The following WDR70 variants were observed in gnomAD, a reference collection of about 807,000 sequenced individuals.
WDR70 encodes WD repeat domain 70, also known as WD repeat-containing protein 70.
In WDR70, 53 loss-of-function variants were observed where a neutral mutation model predicts 88.6. The ratio of observed to expected loss-of-function variants is 0.60; its 90% CI spans 0.48 to 0.75. WDR70 has a LOEUF of 0.75. Among genes scored for constraint, WDR70 ranks in the 30% least tolerant of loss-of-function variants. The pLI is 0.00. For synonymous variants in WDR70, 280 were observed against 270.0 expected (o/e 1.04, Z -0.36); for missense variants, 610 against 823.2 (o/e 0.74, Z 3.17).
intron 9 of WDR70, among the ~76,000 whole-genome samples, chr5:37,602,697 G>A (rs756187577): frequency 7.9e-5 from 12 of 151,754 alleles, no homozygotes; most frequent in Non-Finnish European, 1.2e-4. Context: ...GACACAAATA[G>A]GCCGGGTGCG....
intron 10 of WDR70, among the ~76,000 whole-genome samples, chr5:37,652,762 A>G (rs1056096752): frequency 6.6e-6 from 1 of 152,174 alleles, no homozygotes; most frequent in Admixed American, 6.5e-5. Context: ...GGTGTATAGG[A>G]ATGCTTGTGA....
chr5:37,483,255 C>T (rs1163351664), intron 8 of WDR70, among the ~76,000 whole-genome samples: 18 of 151,734 alleles, frequency 1.2e-4, no homozygotes, highest in East Asian at 3.9e-4. Context: ...TGCGGCCTTC[C>T]GCAGTGTTTG....
chr5:37,706,073 A>G (rs1747312997), intron 13 of WDR70, among the ~76,000 whole-genome samples: 1 of 152,240 alleles, frequency 6.6e-6, no homozygotes, highest in South Asian at 2.1e-4. Flanking sequence ...CTATCTTCAC[A>G]AAAACATAGC....
intron 9 of WDR70, among the ~76,000 whole-genome samples, chr5:37,588,611 C>G (rs1312231566): frequency 1.3e-5 from 2 of 151,896 alleles, no homozygotes; most frequent in Non-Finnish European, 2.9e-5. Context: ...GGGAGTCACT[C>G]TGTCACCCAC....
Position 37,452,016 on chromosome 5 carries a change from A to C in WDR70, c.686+8644A>C, listed in dbSNP as rs182016405. ...TCAACAACAACAACAACAACAACAA[A>C]AAAGAAAAAAGTGAAACATGTATAT... On this transcript the variant is annotated intron_variant, in intron 7 of 17. Coordinates refer to ENST00000265107, the MANE Select transcript of WDR70 (RefSeq NM_018034.4). 1.5e-3 allele frequency among the ~76,000 whole-genome samples: 231 copies of C among 151,582 alleles called. 1 individual carries two copies. The highest frequency in any genetic ancestry group is 5.3e-3 in the African/African-American group (217 of 40,944).
intron 9 of WDR70, among the ~76,000 whole-genome samples, chr5:37,531,713 G>T (rs1741492967): frequency 6.8e-6 from 1 of 147,866 alleles, no homozygotes; most frequent in South Asian, 2.1e-4. Context: ...TATCCATTCT[G>T]CCATTCTGTA....
At chr5:37,688,770 C>T (rs1419805411) in intron 10 of WDR70, among the ~76,000 whole-genome samples, 1 of 137,910 alleles carries the variant, frequency 7.3e-6, no homozygotes, top group South Asian at 2.4e-4. Flanking sequence ...GTGATCGACG[C>T]AGAAGATAAG....
At chr5:37,710,814 A>G (rs1350336524) in intron 13 of WDR70, among the ~76,000 whole-genome samples, 1 of 151,844 alleles carries the variant, frequency 6.6e-6, no homozygotes, top group Non-Finnish European at 1.5e-5. Flanking sequence ...TTTATTTATT[A>G]TTATTATTAT....
intron 10 of WDR70, among the ~76,000 whole-genome samples, chr5:37,617,001 A>C (rs1744363152): frequency 6.6e-6 from 1 of 152,180 alleles, no homozygotes; most frequent in African/African-American, 2.4e-5. Context: ...TTTTTAGCCG[A>C]TTCTTTTCCA....
intron 10 of WDR70, among the ~76,000 whole-genome samples, chr5:37,673,555 G>A (rs886335629): frequency 2.7e-5 from 4 of 148,992 alleles, no homozygotes; most frequent in Non-Finnish European, 5.9e-5. Flanking sequence ...GCAACTTCAT[G>A]AGCGCCTGCT....
At position 37,486,211 on chromosome 5, in the gene WDR70, GTA is replaced by G. The variant is rs1009871062; in HGVS notation, c.840+6226_840+6227del. Among the ~76,000 whole-genome samples the G allele has an allele frequency of 9.2e-5, 14 of 152,228 alleles. No individual in the cohort carries two copies. The East Asian group carries it at 1.7e-3, about 19-fold the overall frequency. ...TGAGCCATTGGATTAAATTATTACA[GTA>G]TGTTTCAGACTGCTCTATGTTAAAC... On this transcript the variant is annotated intron_variant, in intron 8 of 17. Coordinates refer to ENST00000265107, the MANE Select transcript of WDR70 (RefSeq NM_018034.4).
chr5:37,737,612 A>G (rs1748338699), intron 17 of WDR70, among the ~76,000 whole-genome samples: 1 of 152,176 alleles, frequency 6.6e-6, no homozygotes, highest in African/African-American at 2.4e-5. Flanking sequence ...GCTTTCGTGC[A>G]TGTTTTTTAA....
At chr5:37,632,701 T>C (rs1417215370) in intron 10 of WDR70, among the ~76,000 whole-genome samples, 1 of 152,226 alleles carries the variant, frequency 6.6e-6, no homozygotes, top group Non-Finnish European at 1.5e-5. Flanking sequence ...AAAGTTGATA[T>C]ACTCAAAAAG....
At chr5:37,513,961 T>A (rs578217706) in intron 8 of WDR70, among the ~76,000 whole-genome samples, 1 of 152,150 alleles carries the variant, frequency 6.6e-6, no homozygotes, top group East Asian at 1.9e-4. Flanking sequence ...TCACACTGTA[T>A]AAGAGGTTAT....
intron 10 of WDR70, among the ~76,000 whole-genome samples, chr5:37,675,047 G>T (rs1206410956): frequency 1.3e-5 from 2 of 151,768 alleles, no homozygotes; most frequent in Non-Finnish European, 2.9e-5. Flanking sequence ...AGAAGTGTCT[G>T]TTCATGTCCT....
intron 7 of WDR70, among the ~76,000 whole-genome samples, chr5:37,450,791 C>T (rs1738653546): frequency 1.3e-5 from 2 of 152,084 alleles, no homozygotes; most frequent in South Asian, 2.1e-4. Flanking sequence ...TTAGGCTTTA[C>T]AGGTCACAAA....
chr5:37,391,867 A>C, intron 3 of WDR70, 133 bp from the exon 4 acceptor site: 1 of 988,252 alleles, frequency 1.0e-6, no homozygotes, highest in Non-Finnish European at 1.4e-6. Flanking sequence ...GTGGTTGATA[A>C]TTTTTTGCTG....
At chr5:37,418,473 C>T (rs1561845019) in intron 5 of WDR70, among the ~76,000 whole-genome samples, 1 of 151,890 alleles carries the variant, frequency 6.6e-6, no homozygotes, top group Non-Finnish European at 1.5e-5. Flanking sequence ...GCAACCGCCA[C>T]CACGCCTGGC....
chr5:37,663,019 G>C (rs1745742463), intron 10 of WDR70, among the ~76,000 whole-genome samples: 1 of 152,156 alleles, frequency 6.6e-6, no homozygotes, highest in African/African-American at 2.4e-5. Flanking sequence ...CAGGGACCCA[G>C]AAAGCAACCA....
Sources: gnomAD v4.1 joint callset for allele counts (sites outside exome capture counted in the v4.1 genomes callset) on GRCh38, gnomAD v4.1.1 for gene constraint, MANE v1.5 for transcripts, NCBI Gene and HGNC (gene_info 2026-07-23, HGNC 2026-07-21) for gene names.